TENM2: variants seen among roughly 807,000 people sequenced by gnomAD.
TENM2 encodes the protein teneurin transmembrane protein 2, also known as teneurin-2.
Under a neutral mutation model 245.2 loss-of-function variants are expected in TENM2, and 52 were observed. That is an observed-to-expected ratio of 0.21 (90% confidence interval 0.17 to 0.27). The LOEUF is 0.27. Ranked by LOEUF, TENM2 falls within the 10% of genes least tolerant of loss-of-function variation. The pLI is 1.00. For missense variants in TENM2, 3,046 were observed against 3,666.8 expected (o/e 0.83, Z 4.37); for synonymous variants, 1,363 against 1,438.9 (o/e 0.95, Z 1.19).
At chr5:168,123,390 C>T (rs1334307188) in intron 10 of TENM2, among the ~76,000 whole-genome samples, 1 of 152,104 alleles carries the variant, frequency 6.6e-6, no homozygotes, top group Non-Finnish European at 1.5e-5. Flanking sequence ...CTTAGGAGAT[C>T]CTACAGAAAG....
chr5:167,352,283 A>T (rs1758968052), intron 1 of TENM2, among the ~76,000 whole-genome samples: 1 of 152,202 alleles, frequency 6.6e-6, no homozygotes, highest in Admixed American at 6.5e-5. Flanking sequence ...GCCTTCTACA[A>T]TGGCTGAGTT....
In TENM2 at chr5:167,290,937, G is replaced by A. The variant is rs180973298; in HGVS notation, c.226+5874G>A. 1.8e-3 allele frequency among the ~76,000 whole-genome samples: 277 copies of A among 152,092 alleles called. 3 individuals carry two copies. Among genetic ancestry groups the A allele is most frequent in the Non-Finnish European group, 1.6e-4 (11 of 67,992 alleles). ...TGCTGGATAAAATTAATCCATTTTC[G>A]TCACTTTATGGGCAATAATTTGGAG... is the stretch of plus-strand genomic sequence containing the variant. On this transcript the variant is annotated intron_variant, in intron 1 of 28. Coordinates refer to ENST00000518659, the Ensembl canonical transcript of TENM2.
chr5:168,194,649 C>T (rs1179802016), intron 14 of TENM2, among the ~76,000 whole-genome samples: 1 of 152,098 alleles, frequency 6.6e-6, no homozygotes. Flanking sequence ...CTCAGACCCT[C>T]ATGGATTATG....
intron 2 of TENM2, among the ~76,000 whole-genome samples, chr5:167,563,536 C>T (rs563274817): frequency 9.9e-5 from 15 of 152,232 alleles, no homozygotes; most frequent in Admixed American, 7.2e-4. Flanking sequence ...CCAATCTCAG[C>T]ATTGCCATTA....
At chr5:168,180,151 A>T (rs1334863788) in intron 13 of TENM2, among the ~76,000 whole-genome samples, 1 of 152,182 alleles carries the variant, frequency 6.6e-6, no homozygotes, top group East Asian at 1.9e-4. Flanking sequence ...AGATGGAGGT[A>T]TGGCTGGTCC....
intron 12 of TENM2, among the ~76,000 whole-genome samples, chr5:168,147,492 C>G (rs1756203370): frequency 6.6e-6 from 1 of 152,174 alleles, no homozygotes; most frequent in Non-Finnish European, 1.5e-5. Context: ...TATCCTATAC[C>G]TATGACACTA....
chr5:167,966,730 C>G (rs1283652531), intron 4 of TENM2, among the ~76,000 whole-genome samples: 1 of 152,172 alleles, frequency 6.6e-6, no homozygotes, highest in African/African-American at 2.4e-5. Context: ...GAATCACTGA[C>G]AAGCCTGATC....
At chr5:167,442,934 C>A (rs879548031) in intron 2 of TENM2, among the ~76,000 whole-genome samples, 2 of 152,122 alleles carry the variant, frequency 1.3e-5, no homozygotes, top group Admixed American at 6.6e-5. Context: ...TCCAATTATT[C>A]AGAAGTCATT....
At chr5:167,014,507 C>G in the TENM2 span, among the ~76,000 whole-genome samples, 1 of 152,056 alleles carries the variant, frequency 6.6e-6, no homozygotes, top group African/African-American at 2.4e-5. Context: ...GTTGGCAGGT[C>G]TATATTCAAA....
the TENM2 span, among the ~76,000 whole-genome samples, chr5:167,241,475 G>A: frequency 1.3e-5 from 2 of 152,192 alleles, no homozygotes; most frequent in Admixed American, 1.3e-4. Flanking sequence ...GTCCTGAAGA[G>A]CAGAAGGAGG....
At chr5:167,592,798 T>C (rs1287735275) in intron 2 of TENM2, among the ~76,000 whole-genome samples, 2 of 152,222 alleles carry the variant, frequency 1.3e-5, no homozygotes, top group Non-Finnish European at 2.9e-5. Flanking sequence ...ATAAAATACA[T>C]ATTCTTTACC....
intron 2 of TENM2, among the ~76,000 whole-genome samples, chr5:167,741,155 C>T (rs748425457): frequency 2.0e-4 from 30 of 152,174 alleles, no homozygotes; most frequent in Non-Finnish European, 3.7e-4. Context: ...TTGCCCACTC[C>T]ACCCAGTCCC....
At chr5:167,322,321 C>T (rs572086123) in intron 1 of TENM2, among the ~76,000 whole-genome samples, 72 of 151,970 alleles carry the variant, frequency 4.7e-4, no homozygotes, top group African/African-American at 1.5e-3. Context: ...GGCTTCAGTG[C>T]ACTTGGCTTT....
intron 5 of TENM2, among the ~76,000 whole-genome samples, chr5:168,025,214 T>C (rs1786496497): frequency 6.6e-6 from 1 of 152,136 alleles, no homozygotes; most frequent in Admixed American, 6.5e-5. Flanking sequence ...AACTGAAAAA[T>C]ATTTGATGTG....
chr5:167,196,893 G>A, the TENM2 span, among the ~76,000 whole-genome samples: 6 of 151,914 alleles, frequency 3.9e-5, no homozygotes, highest in South Asian at 1.0e-3. Context: ...AGGGGTGGGG[G>A]CATTTCCTGG....
intron 1 of TENM2, among the ~76,000 whole-genome samples, chr5:167,293,371 T>A (rs1754759622): frequency 1.0e-5 from 1 of 98,026 alleles, no homozygotes; most frequent in Admixed American, 8.2e-5. Context: ...CCGGCTAATT[T>A]TTTTTTTTTT....
At chr5:167,199,846 T>G in the TENM2 span, among the ~76,000 whole-genome samples, 3 of 152,118 alleles carry the variant, frequency 2.0e-5, no homozygotes, top group Non-Finnish European at 4.4e-5. Context: ...GATGGAACAT[T>G]TTGTTGTGTT....
At chr5:167,909,865 T>G (rs188038241) in intron 3 of TENM2, among the ~76,000 whole-genome samples, 1 of 151,506 alleles carries the variant, frequency 6.6e-6, no homozygotes, top group African/African-American at 2.4e-5. Context: ...AGGGAGAAAT[T>G]ATGCCTTCCA....
intron 2 of TENM2, among the ~76,000 whole-genome samples, chr5:167,586,688 C>T (rs1054591961): frequency 2.6e-5 from 4 of 151,848 alleles, no homozygotes; most frequent in Admixed American, 6.6e-5. Context: ...AAAAATGGAA[C>T]GTACTTGCCA....
Sources: allele counts gnomAD v4.1 joint callset (sites outside exome capture counted in the v4.1 genomes callset), GRCh38; gene constraint gnomAD v4.1.1; transcripts MANE v1.5; gene names NCBI Gene and HGNC (gene_info 2026-07-23, HGNC 2026-07-21).